Variants in NRG4 observed in about 807,000 individuals in gnomAD.
The protein encoded by NRG4 is neuregulin 4.
In NRG4, 10 loss-of-function variants were observed where a neutral mutation model predicts 15.0. The ratio of observed to expected loss-of-function variants is 0.67; its 90% CI spans 0.41 to 1.13. The LOEUF is 1.13. NRG4 is among the 50% of genes most tolerant of loss of function. The pLI is 0.00. For synonymous variants in NRG4, 41 were observed against 50.1 expected (o/e 0.82, Z 0.77); for missense variants, 139 against 140.2 (o/e 0.99, Z 0.04).
At chr15:76,037,219 A>G (rs998441620) in intron 4 of NRG4, among the ~76,000 whole-genome samples, 1 of 152,198 alleles carries the variant, frequency 6.6e-6, no homozygotes, top group Non-Finnish European at 1.5e-5. Context: ...ACACACACAA[A>G]AAAAGCACCT....
Position 75,955,371 on chromosome 15 carries a change from T to C in NRG4, c.331+561A>G, listed in dbSNP as rs111664805. ...GGCAATCATTGGCTTACCTAGTCTA[T>C]TGCCATCTCTCAGGGCTCATGGTTC... On this transcript the variant is annotated intron_variant, in intron 5 of 5. Coordinates refer to ENST00000394907, the MANE Select transcript of NRG4 (RefSeq NM_138573.4). 1.9e-3 allele frequency among the ~76,000 whole-genome samples: 284 copies of C among 152,328 alleles called. 1 individual carries two copies. Among genetic ancestry groups the C allele is most frequent in the African/African-American group, 6.7e-3 (277 of 41,566 alleles).
upstream of NRG4, among the ~76,000 whole-genome samples, chr15:76,013,505 C>A (rs1030069260): frequency 1.3e-5 from 2 of 152,128 alleles, no homozygotes; most frequent in Non-Finnish European, 2.9e-5. Flanking sequence ...CTTAGCCCCC[C>A]ACCCCGACAG....
intron 5 of NRG4, chr15:75,950,975 A>G (rs1392112749): frequency 5.4e-6 from 1 of 183,562 alleles, no homozygotes; most frequent in Non-Finnish European, 1.2e-5. Flanking sequence ...TAATGCTAAG[A>G]ATTTTTAAAT....
chr15:76,013,668 G>A (rs1468101019), upstream of NRG4, among the ~76,000 whole-genome samples: 1 of 152,160 alleles, frequency 6.6e-6, no homozygotes, highest in Non-Finnish European at 1.5e-5. Context: ...CAAAGGACAT[G>A]AGCTCATCCT....
intron 5 of NRG4, among the ~76,000 whole-genome samples, chr15:76,023,212 G>C (rs1193966955): frequency 1.4e-5 from 2 of 147,734 alleles, no homozygotes; most frequent in Non-Finnish European, 3.0e-5. Context: ...TGAATAAAGA[G>C]CTAAGATTTC....
chr15:76,058,127 T>A (rs2036198686), intron 1 of NRG4, among the ~76,000 whole-genome samples: 1 of 152,214 alleles, frequency 6.6e-6, no homozygotes, highest in Non-Finnish European at 1.5e-5. Context: ...GGGCAAGCTA[T>A]GCCAAAGCTT....
chr15:76,038,789 C>T (rs1489423969), intron 4 of NRG4, among the ~76,000 whole-genome samples: 1 of 152,134 alleles, frequency 6.6e-6, no homozygotes, highest in African/African-American at 2.4e-5. Flanking sequence ...GTACTGGTTA[C>T]AGCAGGCCTT....
chr15:75,972,466 T>C (rs936386325), intron 3 of NRG4, among the ~76,000 whole-genome samples: 8 of 152,216 alleles, frequency 5.3e-5, no homozygotes, highest in African/African-American at 1.9e-4. Flanking sequence ...CCGAATGGTA[T>C]TGCCTAGGTT....
intron 3 of NRG4, among the ~76,000 whole-genome samples, chr15:75,993,054 T>C (rs1352173142): frequency 1.3e-5 from 2 of 152,114 alleles, no homozygotes; most frequent in African/African-American, 2.4e-5. Context: ...TTCCTTCCAC[T>C]ATCTTTTGGT....
chr15:75,992,635 C>T (rs2034061533), intron 3 of NRG4, among the ~76,000 whole-genome samples: 1 of 152,144 alleles, frequency 6.6e-6, no homozygotes, highest in Non-Finnish European at 1.5e-5. Context: ...AACACCACGT[C>T]CATGAGCAAT....
At chr15:76,016,839 C>G (rs1229993320), upstream of NRG4, among the ~76,000 whole-genome samples, 1 of 152,148 alleles carries the variant, frequency 6.6e-6, no homozygotes, top group African/African-American at 2.4e-5. Flanking sequence ...CTGCAGATGT[C>G]TATTAGGTCC....
At chr15:75,956,052 A>T in intron 4 of NRG4, 41 bp from the exon 5 acceptor site, 1 of 1,197,284 alleles carries the variant, frequency 8.4e-7, no homozygotes, top group Non-Finnish European at 1.2e-6. Flanking sequence ...TGGAAGTGTA[A>T]TAGGAAAAGC....
At chr15:76,015,591 C>T (rs1394622901), upstream of NRG4, among the ~76,000 whole-genome samples, 1 of 152,134 alleles carries the variant, frequency 6.6e-6, no homozygotes, top group African/African-American at 2.4e-5. Context: ...TTTTCTGCAT[C>T]TATTGAGATA....
At chr15:75,995,784 T>C (rs1036319315) in intron 3 of NRG4, among the ~76,000 whole-genome samples, 2 of 152,138 alleles carry the variant, frequency 1.3e-5, no homozygotes, top group African/African-American at 4.8e-5. Flanking sequence ...AAGAAAGAGC[T>C]GTCAGTCTGA....
intron 4 of NRG4, among the ~76,000 whole-genome samples, chr15:76,042,955 G>A (rs143396413): frequency 6.6e-6 from 1 of 152,178 alleles, no homozygotes; most frequent in East Asian, 1.9e-4. Context: ...AATATCATTT[G>A]TCATGACCAA....
intron 3 of NRG4, among the ~76,000 whole-genome samples, chr15:75,996,838 A>C (rs1172227842): frequency 6.6e-6 from 1 of 152,208 alleles, no homozygotes; most frequent in Non-Finnish European, 1.5e-5. Flanking sequence ...TATAGGAATT[A>C]TATCATAAAG....
At chr15:76,016,071 T>C (rs180906965), upstream of NRG4, among the ~76,000 whole-genome samples, 1 of 152,316 alleles carries the variant, frequency 6.6e-6, no homozygotes, top group African/African-American at 2.4e-5. Context: ...TGGTTTAGTG[T>C]TGGGAGGGGG....
chr15:76,030,168 A>G (rs1414253214), intron 5 of NRG4, among the ~76,000 whole-genome samples: 2 of 152,186 alleles, frequency 1.3e-5, no homozygotes. Context: ...CTGAGGCAGG[A>G]GAATTGCTTG....
chr15:75,944,352 C>A (rs1417914088), intron 5 of NRG4, among the ~76,000 whole-genome samples: 2 of 152,164 alleles, frequency 1.3e-5, no homozygotes, highest in African/African-American at 2.4e-5. Flanking sequence ...CATACTGTTA[C>A]ACTGCTTTCC....
Sources: gnomAD v4.1 joint callset for allele counts (sites outside exome capture counted in the v4.1 genomes callset) on GRCh38, gnomAD v4.1.1 for gene constraint, MANE v1.5 for transcripts, NCBI Gene and HGNC (gene_info 2026-07-23, HGNC 2026-07-21) for gene names.